The following DUS2 variants were observed in gnomAD, a reference collection of about 807,000 sequenced individuals.
DUS2 encodes the protein dihydrouridine synthase 2, also known as tRNA-dihydrouridine(20) synthase [NAD(P)+]-like.
In DUS2, 52 loss-of-function variants were observed where a neutral mutation model predicts 71.3. The ratio of observed to expected loss-of-function variants is 0.73; its 90% CI spans 0.58 to 0.92. The LOEUF is 0.92. Ranked by LOEUF, DUS2 falls within the 40% of genes least tolerant of loss-of-function variation. The pLI, the probability that DUS2 is intolerant of heterozygous loss-of-function variation, is 0.00. For synonymous variants in DUS2, 204 were observed against 227.8 expected, an observed-to-expected ratio of 0.90 and a Z score of 0.94; for missense variants, 558 against 622.6, an observed-to-expected ratio of 0.90 and a Z score of 1.10.
chr16:68,038,681 G>A (rs1181713207), intron 3 of DUS2, among the ~76,000 whole-genome samples: 2 of 146,564 alleles, frequency 1.4e-5, no homozygotes, highest in Non-Finnish European at 3.0e-5. Flanking sequence ...AGTGAGCAAA[G>A]ATCACGCCAC....
chr16:68,078,442 C>G lies in DUS2; in HGVS notation c.1171-3C>G. On this transcript the variant is annotated splice_region_variant and splice_polypyrimidine_tract_variant and intron_variant, in intron 15 of 16. Transcript: ENST00000565263. ...CATGTGATTCCTTTTCTCTTTGTAT[C>G]AGGTTCAACGCCCTCTAGATCGCCT... is the stretch of plus-strand genomic sequence containing the variant. 2 of 1,614,008 alleles carry G rather than the reference C, an allele frequency of 1.2e-6. No homozygotes were observed. Among genetic ancestry groups the G allele is most frequent in the Non-Finnish European group, 1.7e-6 (2 of 1,179,920 alleles).
At chr16:68,065,268 G>A (rs915923571) in intron 8 of DUS2, among the ~76,000 whole-genome samples, 1 of 152,088 alleles carries the variant, frequency 6.6e-6, no homozygotes, top group Non-Finnish European at 1.5e-5. Context: ...GCCCTAAAGA[G>A]GAATGCAGGC....
At chr16:68,045,968 C>G (rs2033694488) in intron 3 of DUS2, among the ~76,000 whole-genome samples, 1 of 152,088 alleles carries the variant, frequency 6.6e-6, no homozygotes, top group Admixed American at 6.5e-5. Flanking sequence ...TCCACCCTCC[C>G]CGGCCTCCCG....
chr16:68,060,224 G>C (rs1031220197), intron 7 of DUS2, among the ~76,000 whole-genome samples: 1 of 152,156 alleles, frequency 6.6e-6, no homozygotes, highest in Admixed American at 6.5e-5. Flanking sequence ...ACCTGGGTTA[G>C]GGAGTGGGCA....
At chr16:68,036,809 G>A (rs2033536944) in intron 2 of DUS2, among the ~76,000 whole-genome samples, 2 of 152,080 alleles carry the variant, frequency 1.3e-5, no homozygotes, top group African/African-American at 4.8e-5. Flanking sequence ...TCTTGCCTCA[G>A]GACCTTTGCA....
intron 3 of DUS2, among the ~76,000 whole-genome samples, chr16:68,040,840 G>C (rs1371007412): frequency 6.6e-6 from 1 of 152,086 alleles, no homozygotes; most frequent in African/African-American, 2.4e-5. Flanking sequence ...GGGGGGAGTT[G>C]ATGTGAGGTG....
intron 4 of DUS2, among the ~76,000 whole-genome samples, chr16:68,052,271 A>C (rs944862630): frequency 6.6e-6 from 1 of 152,176 alleles, no homozygotes; most frequent in Admixed American, 6.5e-5. Context: ...ATGTGGCATG[A>C]AATATACCAC....
At chr16:68,041,260 G>A (rs1189964880) in intron 3 of DUS2, among the ~76,000 whole-genome samples, 1 of 152,050 alleles carries the variant, frequency 6.6e-6, no homozygotes, top group African/African-American at 2.4e-5. Flanking sequence ...TCTGGAGGAT[G>A]AGCCAGTCTG....
In DUS2 at chr16:68,066,644, G is replaced by T; in HGVS notation, c.554+8G>T. ...CATCGCAGTTCATGGGAGGTGAGTG[G>T]TCACCTTTCTAGTGACTGGCAGGGA... On this transcript the variant is annotated splice_region_variant and intron_variant, in intron 10 of 16. Transcript: ENST00000565263. 6.2e-7 allele frequency: 1 copy of T among 1,613,436 alleles called. No individual in the cohort carries two copies. Among genetic ancestry groups the T allele is most frequent in the South Asian group, 1.1e-5 (1 of 91,064 alleles).
chr16:68,043,915 C>T (rs919518853), intron 3 of DUS2, among the ~76,000 whole-genome samples: 2 of 151,806 alleles, frequency 1.3e-5, no homozygotes, highest in African/African-American at 4.8e-5. Context: ...TCCTCCTGCT[C>T]GGGCCTCCCA....
At position 68,023,869 on chromosome 16, in the gene DUS2, C is replaced by T. The variant is rs537271169; in HGVS notation, c.-99+518C>T. On this transcript the variant is annotated intron_variant, in intron 1 of 16. Transcript: ENST00000565263. ...TAAGCCAAGGTTCACTCTCTACTCCCTCGTCACGCGTCCCAACTTCTCATC... is the reference window on the plus strand; with the variant it reads ...TAAGCCAAGGTTCACTCTCTACTCCTTCGTCACGCGTCCCAACTTCTCATC... 22 of 167,286 alleles carry T rather than the reference C, an allele frequency of 1.3e-4. 1 individual carries two copies. Among genetic ancestry groups the T allele is most frequent in the Middle Eastern group, 3.4e-3 (1 of 296 alleles). The allele number at this position is 167,286 out of a possible 1,614,324, so 10.4% of individuals were successfully genotyped here.
intron 2 of DUS2, among the ~76,000 whole-genome samples, chr16:68,028,662 T>C (rs962689849): frequency 6.6e-6 from 1 of 151,908 alleles, no homozygotes; most frequent in African/African-American, 2.4e-5. Context: ...AAACAAAAAA[T>C]AGAGTGTTGA....
chr16:68,043,888 C>T (rs2033666079), intron 3 of DUS2, among the ~76,000 whole-genome samples: 3 of 152,174 alleles, frequency 2.0e-5, no homozygotes, highest in Admixed American at 6.5e-5. Context: ...TTGTATTGAA[C>T]TCCTGGCCTC....
At chr16:68,045,800 T>C (rs1023681669) in intron 3 of DUS2, among the ~76,000 whole-genome samples, 1 of 151,198 alleles carries the variant, frequency 6.6e-6, no homozygotes, top group East Asian at 2.0e-4. Context: ...TGATCTTGGC[T>C]CACTGCAACG....
At chr16:68,054,979 G>T (rs1362125290) in intron 6 of DUS2, among the ~76,000 whole-genome samples, 1 of 151,992 alleles carries the variant, frequency 6.6e-6, no homozygotes, top group Non-Finnish European at 1.5e-5. Flanking sequence ...GGAGGCAGAG[G>T]TTGCAGTGAG....
chr16:68,053,724 T>C, intron 5 of DUS2, 69 bp downstream of exon 5: 3 of 1,538,684 alleles, frequency 1.9e-6, no homozygotes, highest in Non-Finnish European at 2.7e-6. Context: ...ACTCATGCCC[T>C]GTGCCAGGCC....
intron 4 of DUS2, among the ~76,000 whole-genome samples, chr16:68,052,440 G>A (rs1382218295): frequency 6.6e-6 from 1 of 152,102 alleles, no homozygotes; most frequent in Non-Finnish European, 1.5e-5. Context: ...TATTGATTTT[G>A]GGGTCACAAA....
At chr16:68,058,748 G>A (rs904354841) in intron 7 of DUS2, among the ~76,000 whole-genome samples, 1 of 152,112 alleles carries the variant, frequency 6.6e-6, no homozygotes, top group East Asian at 1.9e-4. Context: ...TTTTTATCTG[G>A]TTATGCATAG....
chr16:68,059,001 C>G (rs999060477), intron 7 of DUS2, among the ~76,000 whole-genome samples: 5 of 152,194 alleles, frequency 3.3e-5, no homozygotes, highest in Non-Finnish European at 7.3e-5. Context: ...CACCTGAGGT[C>G]AGGAGTTCAA....
Sources: allele counts gnomAD v4.1 joint callset (sites outside exome capture counted in the v4.1 genomes callset), GRCh38; gene constraint gnomAD v4.1.1; transcripts MANE v1.5; gene names NCBI Gene and HGNC (gene_info 2026-07-23, HGNC 2026-07-21).